ZNF469: variants seen among roughly 807,000 people sequenced by gnomAD.
The protein encoded by ZNF469 is zinc finger protein 469.
A neutral mutation model predicts 1.0 loss-of-function variants in ZNF469; 1 was observed. That is an observed-to-expected ratio of 1.00 (90% CI 0.35 to 4.73). The LOEUF is 4.73. ZNF469 is among the 30% of genes most tolerant of loss of function. The pLI is 0.16. For missense variants in ZNF469, 6,100 were observed against 5,356.3 expected (o/e 1.14, Z -4.33); for synonymous variants, 2,703 against 2,363.4 (o/e 1.14, Z -4.17).
the ZNF469 span, among the ~76,000 whole-genome samples, chr16:88,224,978 C>T: frequency 7.2e-5 from 11 of 152,314 alleles, no homozygotes; most frequent in South Asian, 8.3e-4. Context: ...GGGGCCCCAA[C>T]GCTAATCCTA....
chr16:88,125,990 A>G, the ZNF469 span, among the ~76,000 whole-genome samples: 1 of 151,620 alleles, frequency 6.6e-6, no homozygotes. Context: ...GGAGTTTGAG[A>G]CGAGCCTGGG....
chr16:88,127,071 C>T, the ZNF469 span, among the ~76,000 whole-genome samples: 1 of 152,224 alleles, frequency 6.6e-6, no homozygotes, highest in African/African-American at 2.4e-5. Flanking sequence ...GATCCGTCCG[C>T]CTCGGCCTCC....
At chr16:88,158,896 C>A in the ZNF469 span, among the ~76,000 whole-genome samples, 1 of 152,072 alleles carries the variant, frequency 6.6e-6, no homozygotes, top group African/African-American at 2.4e-5. Context: ...TCTGAACCTA[C>A]TGGGGCCTTC....
At chr16:88,337,517 C>T in the ZNF469 span, among the ~76,000 whole-genome samples, 400 of 152,318 alleles carry the variant, frequency 2.6e-3, 2 homozygotes, top group African/African-American at 9.0e-3. Flanking sequence ...AGTGTTTGCA[C>T]GGACGTGTTT....
At chr16:88,289,641 G>C in the ZNF469 span, among the ~76,000 whole-genome samples, 1 of 152,146 alleles carries the variant, frequency 6.6e-6, no homozygotes, top group Non-Finnish European at 1.5e-5. Context: ...GAGAAATGAA[G>C]TCACTTGTGA....
At chr16:88,259,483 T>A in the ZNF469 span, among the ~76,000 whole-genome samples, 1 of 152,168 alleles carries the variant, frequency 6.6e-6, no homozygotes, top group Non-Finnish European at 1.5e-5. This position sits in a 1 kb window ranked among gnomAD's most constrained non-coding sequence, Gnocchi z 4.1. Context: ...TCTCCTCCGC[T>A]GCAGAAGGCT....
intron 1 of ZNF469, among the ~76,000 whole-genome samples, chr16:88,410,698 A>G (rs891998289): frequency 6.8e-6 from 1 of 147,784 alleles, no homozygotes; most frequent in Non-Finnish European, 1.5e-5. Context: ...TGCAGGTCAC[A>G]CAGTTCACGG....
chr16:88,266,920 T>G, the ZNF469 span, among the ~76,000 whole-genome samples: 2 of 152,234 alleles, frequency 1.3e-5, no homozygotes, highest in African/African-American at 2.4e-5. Flanking sequence ...TGATCAGTGT[T>G]TATAGGTGTG....
At chr16:88,101,941 C>T in the ZNF469 span, among the ~76,000 whole-genome samples, 2 of 152,116 alleles carry the variant, frequency 1.3e-5, no homozygotes. Flanking sequence ...CCGTCAGGAT[C>T]CTGGTGAGGG....
At chr16:88,179,921 G>C in the ZNF469 span, among the ~76,000 whole-genome samples, 11,660 of 152,232 alleles carry the variant, frequency 0.077, 840 homozygotes, top group African/African-American at 0.18. Context: ...TATGTGAAGT[G>C]GTAGAATATT....
the ZNF469 span, among the ~76,000 whole-genome samples, chr16:88,342,799 G>A: frequency 4.6e-3 from 702 of 152,342 alleles, 2 homozygotes; most frequent in Non-Finnish European, 7.5e-3. Flanking sequence ...TGATGCCAGC[G>A]TAGGGCGATG....
the ZNF469 span, among the ~76,000 whole-genome samples, chr16:88,257,109 C>T: frequency 3.5e-5 from 4 of 113,988 alleles, no homozygotes; most frequent in Admixed American, 3.9e-4. Context: ...CCACCATACC[C>T]CACTAATTTT....
At chr16:88,259,746 A>T in the ZNF469 span, among the ~76,000 whole-genome samples, 1 of 152,072 alleles carries the variant, frequency 6.6e-6, no homozygotes, top group Non-Finnish European at 1.5e-5. The surrounding 1 kb of genome is among the most constrained non-coding windows in gnomAD (Gnocchi z 4.1). Flanking sequence ...GTGGCCCCCA[A>T]GCGGCCTCCC....
At chr16:88,292,040 G>C in the ZNF469 span, among the ~76,000 whole-genome samples, 50 of 152,350 alleles carry the variant, frequency 3.3e-4, no homozygotes, top group African/African-American at 1.1e-3. Context: ...TTTGGTGTCA[G>C]GTCCCAGGAG....
In ZNF469 at chr16:88,387,050, G is replaced by A. The variant is rs116506622; in HGVS notation, c.-192+3796G>A. On this transcript the variant is annotated intron_variant, in intron 1 of 2. Coordinates refer to ENST00000565624, the MANE Select transcript of ZNF469 (RefSeq NM_001367624.2). ...TTGGGCAGGTTGTTCACTGCACGTC[G>A]GCACCCAGTCTATACTCTGCTTGTC... Among the ~76,000 whole-genome samples, 1,490 of 152,252 alleles carry A rather than the reference G, an allele frequency of 9.8e-3. 31 individuals are homozygous for A. Among genetic ancestry groups the A allele is most frequent in the African/African-American group, 0.034 (1,415 of 41,534 alleles).
At chr16:88,103,579 A>G in the ZNF469 span, among the ~76,000 whole-genome samples, 3,140 of 152,246 alleles carry the variant, frequency 0.021, 112 homozygotes, top group African/African-American at 0.072. Context: ...GGGGGGGATC[A>G]GGAGAGTAGG....
the ZNF469 span, among the ~76,000 whole-genome samples, chr16:88,331,452 C>CCACCATCAT: frequency 6.6e-6 from 1 of 150,670 alleles, no homozygotes; most frequent in Non-Finnish European, 1.5e-5. Flanking sequence ...ATCATAATCA[C>CCACCATCAT]CACCATCATC....
intron 1 of ZNF469, among the ~76,000 whole-genome samples, chr16:88,394,427 A>G (rs1266495363): frequency 2.0e-5 from 3 of 152,240 alleles, no homozygotes; most frequent in Non-Finnish European, 1.5e-5. Context: ...CATAACCGCA[A>G]TAGTTTCACG....
the ZNF469 span, among the ~76,000 whole-genome samples, chr16:88,223,389 T>C: frequency 0.014 from 2,104 of 152,326 alleles, 46 homozygotes; most frequent in African/African-American, 0.048. Context: ...TGTGAGTCCA[T>C]TAAACCTCTT....
Sources: gnomAD v4.1 joint callset for allele counts (sites outside exome capture counted in the v4.1 genomes callset) on GRCh38, gnomAD v4.1.1 for gene constraint, Gnocchi (gnomAD v3.1) non-coding constraint, MANE v1.5 for transcripts, NCBI Gene and HGNC (gene_info 2026-07-23, HGNC 2026-07-21) for gene names.